The following FANCL variants were observed in gnomAD, a reference collection of about 807,000 sequenced individuals.
The protein encoded by FANCL is E3 ubiquitin-protein ligase FANCL.
A neutral mutation model predicts 59.4 loss-of-function variants in FANCL; 69 were observed. The ratio of observed to expected loss-of-function variants is 1.16; its 90% confidence interval spans 0.96 to 1.42. The LOEUF (loss-of-function observed/expected upper bound fraction) is 1.42. Among genes scored for constraint, FANCL ranks in the 40% most tolerant of loss-of-function variants. The pLI is 0.00. For synonymous variants in FANCL, 180 were observed against 147.1 expected (o/e 1.22, Z -1.62); for missense variants, 519 against 447.2 (o/e 1.16, Z -1.45).
intron 1 of FANCL, among the ~76,000 whole-genome samples, chr2:58,238,275 A>G (rs1479708059): frequency 6.6e-6 from 1 of 152,184 alleles, no homozygotes; most frequent in East Asian, 1.9e-4. Flanking sequence ...ACCCTGTTTT[A>G]GACCATCAAA....
intron 1 of FANCL, among the ~76,000 whole-genome samples, chr2:58,236,333 T>C (rs1215163200): frequency 6.6e-6 from 1 of 151,900 alleles, no homozygotes; most frequent in Non-Finnish European, 1.5e-5. Context: ...GTAACATCTT[T>C]ACAGTATCAA....
intron 4 of FANCL, 48 bp from the exon 5 acceptor site, chr2:58,222,090 G>A (rs754251607): frequency 3.0e-6 from 4 of 1,320,662 alleles, no homozygotes; most frequent in Admixed American, 1.7e-5. Context: ...GCAAGACAAT[G>A]AACTGTTAAT....
At chr2:58,209,380 A>AC (rs1690906900) in intron 5 of FANCL, among the ~76,000 whole-genome samples, 1 of 150,248 alleles carries the variant, frequency 6.7e-6, no homozygotes, top group Non-Finnish European at 1.5e-5. Context: ...GAAAAACATG[A>AC]TTTTTTTTTT....
chr2:58,225,682 C>T (rs1422652794), intron 4 of FANCL, among the ~76,000 whole-genome samples: 1 of 151,932 alleles, frequency 6.6e-6, no homozygotes, highest in Non-Finnish European at 1.5e-5. Flanking sequence ...CTGCTGAAGC[C>T]TCTAGATCTA....
chr2:58,159,544 G>A lies in FANCL; in HGVS notation c.*221C>T, dbSNP rs368279793. 1 of 1,613,692 alleles carries A rather than the reference G, an allele frequency of 6.2e-7. No homozygotes were observed. The highest frequency in any genetic ancestry group is 1.1e-5 in the South Asian group (1 of 91,068). On this transcript the variant is annotated 3_prime_UTR_variant, in exon 14 of 14. Coordinates refer to ENST00000233741, the MANE Select transcript of FANCL (RefSeq NM_018062.4). Reference sequence around the variant, plus strand: ...TAAATACACTTCCACAGTCAGCACGGGGATCACAGACTTAGAAAGTTCAAC... The same window carrying A: ...TAAATACACTTCCACAGTCAGCACGAGGATCACAGACTTAGAAAGTTCAAC...
chr2:58,224,084 T>C (rs987004995), intron 4 of FANCL, among the ~76,000 whole-genome samples: 5 of 151,976 alleles, frequency 3.3e-5, no homozygotes, highest in East Asian at 3.9e-4. Context: ...TAAATAGATA[T>C]TGTAAATCAG....
At position 58,160,182 on chromosome 2, in the gene FANCL, G is replaced by A. The variant is rs2104769525; in HGVS notation, c.1021-3C>T. ...CTAGTTAGTAGTCCTCTCAGCCACT[G>A]CAAATTTTAAAAGATAAAGGAGAAG... On this transcript the variant is annotated splice_polypyrimidine_tract_variant and splice_region_variant and intron_variant, in intron 12 of 13. Coordinates refer to ENST00000233741, the MANE Select transcript of FANCL (RefSeq NM_018062.4). 1.2e-6 allele frequency: 2 copies of A among 1,612,166 alleles called. No homozygotes were observed. Among genetic ancestry groups the A allele is most frequent in the Non-Finnish European group, 1.7e-6 (2 of 1,178,482 alleles).
intron 1 of FANCL, among the ~76,000 whole-genome samples, chr2:58,238,383 A>G (rs1212142347): frequency 6.6e-6 from 1 of 152,230 alleles, no homozygotes; most frequent in Non-Finnish European, 1.5e-5. Flanking sequence ...AAACAGTGAG[A>G]CAATAATTGT....
intron 7 of FANCL, among the ~76,000 whole-genome samples, chr2:58,174,093 T>A (rs900472837): frequency 6.6e-6 from 1 of 152,150 alleles, no homozygotes; most frequent in African/African-American, 2.4e-5. Flanking sequence ...CTAACTATCC[T>A]AAATATATAT....
At chr2:58,178,030 A>C (rs950880026) in intron 7 of FANCL, among the ~76,000 whole-genome samples, 1 of 152,114 alleles carries the variant, frequency 6.6e-6, no homozygotes, top group Non-Finnish European at 1.5e-5. Flanking sequence ...CCCTCCCAAG[A>C]CTAAATCAGG....
intron 7 of FANCL, among the ~76,000 whole-genome samples, chr2:58,168,646 G>T (rs965706037): frequency 1.3e-5 from 2 of 152,110 alleles, no homozygotes; most frequent in African/African-American, 2.4e-5. Flanking sequence ...GCGCCAAGTG[G>T]TCTATCTCAG....
chr2:58,195,860 C>T (rs1198551527), intron 7 of FANCL, among the ~76,000 whole-genome samples: 4 of 151,940 alleles, frequency 2.6e-5, no homozygotes, highest in African/African-American at 7.2e-5. Context: ...GTCAATACTG[C>T]GTAACCCCAA....
chr2:58,166,081 C>T (rs188306798), intron 7 of FANCL, among the ~76,000 whole-genome samples: 32 of 152,240 alleles, frequency 2.1e-4, no homozygotes, highest in African/African-American at 7.7e-4. Context: ...GTAGACTATA[C>T]ACCTGAGAAA....
intron 7 of FANCL, among the ~76,000 whole-genome samples, chr2:58,183,250 C>T (rs1484852402): frequency 1.3e-5 from 2 of 151,526 alleles, no homozygotes; most frequent in African/African-American, 4.8e-5. Context: ...AGTATATACA[C>T]GATCAAATAA....
intron 7 of FANCL, among the ~76,000 whole-genome samples, chr2:58,176,785 C>T (rs1441365702): frequency 5.3e-5 from 8 of 152,070 alleles, no homozygotes; most frequent in South Asian, 2.1e-4. Flanking sequence ...CAAATGGGAT[C>T]TAATTAAACT....
At chr2:58,160,263 G>A in intron 12 of FANCL, 84 bp from the exon 13 acceptor site, 1 of 1,371,058 alleles carries the variant, frequency 7.3e-7, no homozygotes, top group South Asian at 1.2e-5. Flanking sequence ...TTGTTTTTAA[G>A]TGCATTATGT....
At chr2:58,240,923 G>A (rs1694471369) in intron 1 of FANCL, among the ~76,000 whole-genome samples, 1 of 152,186 alleles carries the variant, frequency 6.6e-6, no homozygotes, top group Non-Finnish European at 1.5e-5. Context: ...AGTCAATTGC[G>A]GGACACTGAA....
At chr2:58,165,053 G>A (rs916421691) in intron 8 of FANCL, among the ~76,000 whole-genome samples, 1 of 152,008 alleles carries the variant, frequency 6.6e-6, no homozygotes. Context: ...AACTAGCTAT[G>A]GTATTTAATG....
At chr2:58,190,896 G>A (rs1380950147) in intron 7 of FANCL, among the ~76,000 whole-genome samples, 1 of 151,806 alleles carries the variant, frequency 6.6e-6, no homozygotes, top group Non-Finnish European at 1.5e-5. Context: ...GATGAGGGGG[G>A]AATATTTTCT....
Sources: gnomAD v4.1 joint callset for allele counts (sites outside exome capture counted in the v4.1 genomes callset) on GRCh38, gnomAD v4.1.1 for gene constraint, MANE v1.5 for transcripts, NCBI Gene and HGNC (gene_info 2026-07-23, HGNC 2026-07-21) for gene names.